Variants in RBM19 observed in about 807,000 individuals in gnomAD.
The protein encoded by RBM19 is probable RNA-binding protein 19.
A neutral mutation model predicts 116.8 loss-of-function variants in RBM19; 94 were observed. The ratio of observed to expected loss-of-function variants is 0.80; its 90% CI spans 0.68 to 0.95. The LOEUF is 0.95. Ranked by LOEUF, RBM19 falls within the 40% of genes least tolerant of loss-of-function variation. The pLI, the probability that RBM19 is intolerant of heterozygous loss-of-function variation, is 0.00. For missense variants in RBM19, 1,161 were observed against 1,220.7 expected (o/e 0.95, Z 0.73); for synonymous variants, 475 against 494.1 (o/e 0.96, Z 0.51).
At chr12:113,894,584 A>G (rs1036732515) in intron 21 of RBM19, among the ~76,000 whole-genome samples, 8 of 152,224 alleles carry the variant, frequency 5.3e-5, no homozygotes, top group African/African-American at 1.9e-4. Context: ...TACTCCTCAG[A>G]CTGGGGGTTG....
intron 22 of RBM19, 106 bp from the exon 23 acceptor site, chr12:113,844,894 G>C: frequency 6.9e-7 from 1 of 1,443,498 alleles, no homozygotes; most frequent in Non-Finnish European, 9.2e-7. Context: ...CAAAGCCCAG[G>C]TTCTGGCCCC....
At chr12:113,952,469 A>T (rs1463473605) in intron 8 of RBM19, 43 bp downstream of exon 8, 4 of 1,539,674 alleles carry the variant, frequency 2.6e-6, no homozygotes, top group Non-Finnish European at 3.6e-6. Flanking sequence ...TTCAATCTTC[A>T]CTGTCTACCC....
intron 21 of RBM19, among the ~76,000 whole-genome samples, chr12:113,876,408 C>T (rs1392156641): frequency 1.3e-5 from 2 of 152,166 alleles, no homozygotes; most frequent in Non-Finnish European, 2.9e-5. Context: ...ACAATGGTCT[C>T]CATGCTCAAC....
intron 1 of RBM19, among the ~76,000 whole-genome samples, chr12:113,963,876 G>A (rs1872678268): frequency 6.6e-6 from 1 of 152,186 alleles, no homozygotes; most frequent in South Asian, 2.1e-4. Flanking sequence ...TACTTTGGTT[G>A]TCCCCTCTGG....
At chr12:113,902,016 TTA>T (rs1881732533) in intron 21 of RBM19, among the ~76,000 whole-genome samples, 1 of 152,216 alleles carries the variant, frequency 6.6e-6, no homozygotes, top group Admixed American at 6.5e-5. Context: ...CAGAGAGATC[TTA>T]TACACCCTTC....
chr12:113,921,985 G>A, intron 18 of RBM19, among the ~76,000 whole-genome samples: 1 of 152,210 alleles, frequency 6.6e-6, no homozygotes, highest in South Asian at 2.1e-4. Flanking sequence ...GCATTGCGGG[G>A]TGGGGGGATG....
At chr12:113,931,100 T>G (rs536099359) in intron 16 of RBM19, among the ~76,000 whole-genome samples, 1 of 152,334 alleles carries the variant, frequency 6.6e-6, no homozygotes, top group South Asian at 2.1e-4. Context: ...AGGACGATAA[T>G]GTAATAATTA....
intron 17 of RBM19, among the ~76,000 whole-genome samples, chr12:113,925,344 A>G (rs1350384959): frequency 6.6e-6 from 1 of 152,172 alleles, no homozygotes; most frequent in African/African-American, 2.4e-5. Flanking sequence ...AACAAACACT[A>G]CGAGCAGCAG....
chr12:113,840,953 G>A (rs1474740500), intron 23 of RBM19, among the ~76,000 whole-genome samples: 5 of 152,338 alleles, frequency 3.3e-5, no homozygotes, highest in Admixed American at 6.5e-5. Flanking sequence ...GCTCCTGTGC[G>A]AATTCTGCTC....
chr12:113,822,867 T>C lies in RBM19; in HGVS notation c.*357A>G. ...TGCCAGAGAGCTGGCCCTCGTCCCC[T>C]TACTCTCCTGGGGTGGGGACAGGGG... On this transcript the variant is annotated 3_prime_UTR_variant, in exon 24 of 24. Coordinates refer to ENST00000261741, the MANE Select transcript of RBM19 (RefSeq NM_016196.4). 5.4e-6 allele frequency: 1 copy of C among 184,150 alleles called. No individual in the cohort carries two copies. The allele number at this position is 184,150 out of a possible 1,614,324, so 11.4% of individuals were successfully genotyped here. A position where few individuals can be genotyped will look rare whatever the true frequency, so the allele number is the denominator to read the frequency against.
intron 23 of RBM19, among the ~76,000 whole-genome samples, chr12:113,830,570 CGGGGCGGGGGG>C (rs1356372223): frequency 1.3e-4 from 1 of 7,850 alleles, no homozygotes; most frequent in Non-Finnish European, 2.2e-4. Context: ...GCTAGGGCTG[CGGGGCGGGGGG>C]GGGGGGGGTG....
At chr12:113,833,339 C>T (rs1302529241) in intron 23 of RBM19, among the ~76,000 whole-genome samples, 1 of 151,164 alleles carries the variant, frequency 6.6e-6, no homozygotes, top group Non-Finnish European at 1.5e-5. Flanking sequence ...GCTCCATGGC[C>T]CTTATTGGCC....
At chr12:113,865,528 G>A (rs1054359256) in intron 21 of RBM19, among the ~76,000 whole-genome samples, 6 of 152,190 alleles carry the variant, frequency 3.9e-5, no homozygotes, top group East Asian at 1.9e-4. Context: ...ACCTGAGACT[G>A]TGTCTAGCAC....
intron 16 of RBM19, among the ~76,000 whole-genome samples, chr12:113,936,570 T>C (rs1870083917): frequency 6.6e-6 from 1 of 152,240 alleles, no homozygotes; most frequent in South Asian, 2.1e-4. Flanking sequence ...GGTTGCCCTA[T>C]CTGGCCCCCA....
chr12:113,872,412 C>T (rs1879299856), intron 21 of RBM19, among the ~76,000 whole-genome samples: 3 of 146,060 alleles, frequency 2.1e-5, no homozygotes, highest in African/African-American at 5.0e-5. Flanking sequence ...CAGCCCTCCG[C>T]CCGGCCAGCC....
chr12:113,957,642 G>A (rs1872065568), intron 6 of RBM19, 140 bp downstream of exon 6: 1 of 1,277,118 alleles, frequency 7.8e-7, no homozygotes, highest in Non-Finnish European at 1.0e-6. Flanking sequence ...GCAAGCGGCA[G>A]GGCCAAGATC....
chr12:113,966,299 C>G lies in RBM19; in HGVS notation c.-72G>C. On this transcript the variant is annotated 5_prime_UTR_variant, in exon 1 of 24. Transcript: ENST00000261741. The stretch of plus-strand genomic sequence containing the variant: ...CTTCCACCAAGTTTCACGCTACCGC[C>G]CTGGGCGCCGCCATCTTTACCGAGC... 1 of 1,596,406 alleles carries G rather than the reference C, an allele frequency of 6.3e-7. No individual in the cohort carries two copies.
intron 2 of RBM19, 85 bp downstream of exon 2, chr12:113,962,147 C>T (rs1015295097): frequency 2.0e-5 from 30 of 1,474,270 alleles, no homozygotes; most frequent in African/African-American, 1.3e-4. Context: ...TGAAGAGGGA[C>T]GGTCTTTGAA....
intron 18 of RBM19, among the ~76,000 whole-genome samples, chr12:113,920,942 T>C (rs1292017134): frequency 1.3e-5 from 2 of 152,214 alleles, no homozygotes; most frequent in Non-Finnish European, 2.9e-5. Flanking sequence ...GACATGATAA[T>C]TAACTTCATA....
Sources: gnomAD v4.1 joint callset for allele counts (sites outside exome capture counted in the v4.1 genomes callset) on GRCh38, gnomAD v4.1.1 for gene constraint, MANE v1.5 for transcripts, NCBI Gene and HGNC (gene_info 2026-07-23, HGNC 2026-07-21) for gene names.